The following INTS9 variants were observed in gnomAD, a reference collection of about 807,000 sequenced individuals.
INTS9 encodes the protein integrator complex subunit 9, also known as protein related to CPSF subunits of 74 kDa.
A neutral mutation model predicts 79.7 loss-of-function variants in INTS9; 55 were observed. The observed-to-expected ratio is 0.69, with a 90% CI of 0.56 to 0.86. INTS9 has a LOEUF of 0.86. INTS9 is among the 40% of genes least tolerant of loss of function. The pLI is 0.00. For synonymous variants in INTS9, 319 were observed against 325.2 expected, an observed-to-expected ratio of 0.98 and a Z score of 0.20; for missense variants, 721 against 831.5, an observed-to-expected ratio of 0.87 and a Z score of 1.64.
chr8:28,839,130 C>T (rs541900906), intron 4 of INTS9, among the ~76,000 whole-genome samples: 6 of 152,094 alleles, frequency 3.9e-5, no homozygotes, highest in Admixed American at 2.0e-4. Flanking sequence ...TACATCCCCA[C>T]GAAGAAGAAA....
intron 12 of INTS9, among the ~76,000 whole-genome samples, chr8:28,778,158 G>A (rs577283315): frequency 6.6e-6 from 1 of 152,170 alleles, no homozygotes; most frequent in Admixed American, 6.5e-5. Flanking sequence ...CCAAGCTTCA[G>A]CAGAGGCAGA....
chr8:28,885,321 C>CTT (rs1317542001), intron 1 of INTS9, among the ~76,000 whole-genome samples: 1 of 152,192 alleles, frequency 6.6e-6, no homozygotes, highest in South Asian at 2.1e-4. Flanking sequence ...TCCTTTAAGA[C>CTT]TTTTAACAAG....
chr8:28,787,789 A>G (rs1283498614), intron 11 of INTS9, 40 bp downstream of exon 11: 4 of 1,477,090 alleles, frequency 2.7e-6, no homozygotes, highest in Non-Finnish European at 3.8e-6. Context: ...GGTTATCCAC[A>G]TTGCTTCCTT....
chr8:28,818,988 C>T (rs1351771300), intron 6 of INTS9, among the ~76,000 whole-genome samples: 5 of 152,032 alleles, frequency 3.3e-5, no homozygotes, highest in African/African-American at 4.8e-5. Flanking sequence ...TCTGTGGGAT[C>T]GGTGGTGATA....
chr8:28,776,427 G>GTT (rs72163162), intron 13 of INTS9, among the ~76,000 whole-genome samples: 13,208 of 83,466 alleles, frequency 0.16, 841 homozygotes, highest in Non-Finnish European at 0.2. Flanking sequence ...CAGAGGCAGA[G>GTT]TTTTTTTTTT....
intron 8 of INTS9, among the ~76,000 whole-genome samples, chr8:28,802,533 G>A (rs924189598): frequency 2.0e-5 from 3 of 152,222 alleles, no homozygotes; most frequent in African/African-American, 7.2e-5. Flanking sequence ...TTGACTGGCT[G>A]TGCTTGGTTT....
At chr8:28,788,583 G>A (rs971962678) in intron 10 of INTS9, among the ~76,000 whole-genome samples, 8 of 152,002 alleles carry the variant, frequency 5.3e-5, no homozygotes, top group East Asian at 1.9e-4. Context: ...CACACTCGGC[G>A]AATTTTTGTA....
At chr8:28,853,413 C>CAAA (rs570960293) in intron 2 of INTS9, among the ~76,000 whole-genome samples, 6,225 of 87,192 alleles carry the variant, frequency 0.071, 486 homozygotes, top group African/African-American at 0.23. Context: ...AACTCCATCT[C>CAAA]AAAAAAAAAA....
intron 8 of INTS9, among the ~76,000 whole-genome samples, chr8:28,799,807 C>G (rs1420558403): frequency 1.3e-5 from 2 of 152,168 alleles, no homozygotes; most frequent in South Asian, 4.1e-4. Context: ...AGCCGGGGAC[C>G]CCTAGCCAGC....
Position 28,837,767 on chromosome 8 carries a change from T to G in INTS9, c.271A>C (p.Ile91Leu). 6.2e-7 allele frequency: 1 copy of G among 1,613,040 alleles called. No homozygotes were observed. Among genetic ancestry groups the G allele is most frequent in the Non-Finnish European group, 8.5e-7 (1 of 1,179,180 alleles). ...PEFCLPETEL[I>L]DLSTVDVILI... ...ATCACATCTACTGTAGACAGATCTA[T>G]TAGCTCCGTCTGAAAAGAAAGGGAG... The change falls in exon 5 of 17, where the codon ATA becomes CTA. Residue 91 changes from isoleucine (I) to leucine (L), a missense_variant. Transcript: ENST00000521022.
chr8:28,785,360 G>A (rs1047706037), intron 11 of INTS9, among the ~76,000 whole-genome samples: 7 of 152,104 alleles, frequency 4.6e-5, no homozygotes, highest in East Asian at 1.9e-4. Flanking sequence ...TTATTACTGC[G>A]GTGGCTGCCA....
At chr8:28,851,741 G>T (rs1807849958) in intron 2 of INTS9, among the ~76,000 whole-genome samples, 1 of 152,070 alleles carries the variant, frequency 6.6e-6, no homozygotes, top group Non-Finnish European at 1.5e-5. Flanking sequence ...CCAGCCGGGG[G>T]TGGGGGGTAA....
chr8:28,810,207 C>G (rs571074956), intron 8 of INTS9: 3 of 153,336 alleles, frequency 2.0e-5, no homozygotes, highest in Middle Eastern at 3.4e-3. Context: ...ATCTGTATGC[C>G]AAGGGAAAGT....
At chr8:28,808,418 T>A (rs552210273) in intron 8 of INTS9, among the ~76,000 whole-genome samples, 21 of 152,274 alleles carry the variant, frequency 1.4e-4, no homozygotes, top group African/African-American at 5.1e-4. Context: ...ACTCCTGACC[T>A]TGTGATCTGC....
At position 28,833,425 on chromosome 8, in the gene INTS9, TC is replaced by T. The variant is rs367865199; in HGVS notation, c.488+1866del. On this transcript the variant is annotated intron_variant, in intron 6 of 16. Coordinates refer to ENST00000521022, the MANE Select transcript of INTS9 (RefSeq NM_018250.4). Reference sequence around the variant, plus strand: ...TGGTGAGGTCAAGAGATCAAGACCGTCCTGGCCAACATGGTGAAACCCCATC... The same window carrying T: ...TGGTGAGGTCAAGAGATCAAGACCGTCTGGCCAACATGGTGAAACCCCATC... Among the ~76,000 whole-genome samples, 604 of 151,920 alleles carry T rather than the reference TC, an allele frequency of 4.0e-3. 3 individuals carry two copies. Among genetic ancestry groups the T allele is most frequent in the African/African-American group, 0.014 (579 of 41,458 alleles).
chr8:28,854,106 C>T (rs1246910548), intron 2 of INTS9, among the ~76,000 whole-genome samples: 2 of 152,044 alleles, frequency 1.3e-5, no homozygotes, highest in Non-Finnish European at 1.5e-5. Context: ...CAGTCCACCA[C>T]AGACTCGAAC....
chr8:28,795,754 C>T (rs1411470822), intron 9 of INTS9, among the ~76,000 whole-genome samples: 1 of 151,846 alleles, frequency 6.6e-6, no homozygotes, highest in Non-Finnish European at 1.5e-5. Flanking sequence ...AACGACCATG[C>T]TGGCACGCTA....
intron 1 of INTS9, among the ~76,000 whole-genome samples, chr8:28,881,770 G>A (rs1167084528): frequency 6.7e-6 from 1 of 148,182 alleles, no homozygotes; most frequent in African/African-American, 2.5e-5. Flanking sequence ...CTGCCCGGCC[G>A]CCCCTACTGG....
intron 1 of INTS9, among the ~76,000 whole-genome samples, chr8:28,876,290 T>C (rs1322458090): frequency 1.3e-5 from 2 of 152,220 alleles, no homozygotes; most frequent in African/African-American, 4.8e-5. Context: ...CCATTATTTC[T>C]ATGAGTCTGT....
Sources: gnomAD v4.1 joint callset for allele counts (sites outside exome capture counted in the v4.1 genomes callset) on GRCh38, gnomAD v4.1.1 for gene constraint, MANE v1.5 for transcripts, NCBI Gene and HGNC (gene_info 2026-07-23, HGNC 2026-07-21) for gene names.